ZNF248: variants seen among roughly 807,000 people sequenced by gnomAD.
The protein encoded by ZNF248 is zinc finger protein 248, also known as KRAB protein domain.
ZNF248 carries 20 observed loss-of-function variants against 44.3 expected under a neutral mutation model. That is an observed-to-expected ratio of 0.45 (90% CI 0.32 to 0.66). ZNF248 has a LOEUF of 0.66. Among genes scored for constraint, ZNF248 ranks in the 30% least tolerant of loss-of-function variants. The pLI is 0.04. For synonymous variants in ZNF248, 224 were observed against 229.0 expected (o/e 0.98, Z 0.20); for missense variants, 654 against 677.0 (o/e 0.97, Z 0.38).
At position 37,793,660 on chromosome 10, in the gene ZNF248, A is replaced by G. The variant is rs963674040; in HGVS notation, c.331-17085T>C. Among the ~76,000 whole-genome samples, 30 of 152,182 alleles carry G rather than the reference A, an allele frequency of 2.0e-4. 1 individual carries two copies. Among genetic ancestry groups the G allele is most frequent in the Admixed American group, 4.6e-4 (7 of 15,282 alleles). ...TTCTGGAATCACATATGCAAATCCA[A>G]TATGTGCATAATTCCTGTGATGCAA... On this transcript the variant is annotated intron_variant, in intron 6 of 6. Coordinates refer to the ZNF248 transcript ENST00000615949.
intron 6 of ZNF248, among the ~76,000 whole-genome samples, chr10:37,811,249 T>G (rs1032426505): frequency 1.3e-5 from 2 of 152,144 alleles, no homozygotes; most frequent in Non-Finnish European, 2.9e-5. Context: ...AAAAGAAAAT[T>G]TATGAAGCTG....
chr10:37,767,226 C>T, the ZNF248 span, among the ~76,000 whole-genome samples: 1 of 152,094 alleles, frequency 6.6e-6, no homozygotes, highest in Non-Finnish European at 1.5e-5. Context: ...GAGAACTTCC[C>T]CAATCTAACA....
intron 6 of ZNF248, among the ~76,000 whole-genome samples, chr10:37,788,100 C>T (rs933834974): frequency 1.3e-5 from 2 of 150,394 alleles, no homozygotes; most frequent in African/African-American, 4.9e-5. Flanking sequence ...AAAACCCCAT[C>T]TCTACTAATA....
At chr10:37,820,511 G>A (rs1259829092) in intron 6 of ZNF248, 76 of 1,601,292 alleles carry the variant, frequency 4.7e-5, no homozygotes, top group East Asian at 3.8e-4. Flanking sequence ...GGAATGTTGC[G>A]GTGAGGATCG....
At chr10:37,762,176 G>C in the ZNF248 span, among the ~76,000 whole-genome samples, 4,188 of 152,234 alleles carry the variant, frequency 0.028, 141 homozygotes, top group African/African-American at 0.082. Flanking sequence ...TGGAATAAGT[G>C]GGGGATAACT....
intron 6 of ZNF248, among the ~76,000 whole-genome samples, chr10:37,798,139 G>A (rs1215451212): frequency 6.6e-6 from 1 of 152,064 alleles, no homozygotes; most frequent in Non-Finnish European, 1.5e-5. Context: ...CTTTAACAAT[G>A]AATAAAGTAC....
chr10:37,811,945 A>C (rs1402749559), intron 6 of ZNF248, among the ~76,000 whole-genome samples: 2 of 151,818 alleles, frequency 1.3e-5, no homozygotes, highest in Non-Finnish European at 2.9e-5. Context: ...CATTAAGAAA[A>C]TCACTGAGGG....
downstream of ZNF248, among the ~76,000 whole-genome samples, chr10:37,827,058 G>A (rs1424738807): frequency 6.6e-6 from 1 of 152,180 alleles, no homozygotes; most frequent in South Asian, 2.1e-4. Flanking sequence ...AATGGCAGCT[G>A]GTGCAGACAT....
chr10:37,829,426 T>C lies in ZNF248; in HGVS notation c.*2189A>G. 1.0e-6 allele frequency: 1 copy of C among 985,390 alleles called. No individual in the cohort carries two copies. The highest frequency in any genetic ancestry group is 1.2e-6 in the Non-Finnish European group (1 of 829,912). 61.0% of individuals were successfully genotyped at this position (985,390 alleles called of 1,614,324 possible). A position where few individuals can be genotyped will look rare whatever the true frequency, so the allele number is the denominator to read the frequency against. On this transcript the variant is annotated 3_prime_UTR_variant, in exon 6 of 6. Coordinates refer to ENST00000395867, the MANE Select transcript of ZNF248 (RefSeq NM_021045.3). ...GAACCATGGCTGATACAAACAGCCA[T>C]CCCTATATTAACTTGTGAAAAGAAA...
At chr10:37,793,779 G>A (rs917170306) in intron 6 of ZNF248, among the ~76,000 whole-genome samples, 5 of 151,938 alleles carry the variant, frequency 3.3e-5, no homozygotes, top group African/African-American at 7.3e-5. Context: ...CTACTTTTCC[G>A]TGTATATATG....
At chr10:37,843,302 G>C (rs2058682059) in intron 3 of ZNF248, among the ~76,000 whole-genome samples, 1 of 151,868 alleles carries the variant, frequency 6.6e-6, no homozygotes, top group Non-Finnish European at 1.5e-5. Context: ...GCGCATGCCT[G>C]TAGTCCCAGT....
At chr10:37,766,164 A>G in the ZNF248 span, among the ~76,000 whole-genome samples, 1 of 152,248 alleles carries the variant, frequency 6.6e-6, no homozygotes, top group Non-Finnish European at 1.5e-5. Flanking sequence ...CTGCCTCTGT[A>G]GGCTCCACCT....
intron 6 of ZNF248, chr10:37,803,972 A>G (rs2050156277): frequency 6.5e-6 from 1 of 152,678 alleles, no homozygotes; most frequent in Admixed American, 6.5e-5. Context: ...GGTTTTAGAC[A>G]TGGTGGATAA....
chr10:37,821,077 T>G, intron 6 of ZNF248: 1 of 740,508 alleles, frequency 1.4e-6, no homozygotes, highest in Non-Finnish European at 2.3e-6. Context: ...CACTGAGAAG[T>G]AGGTCTACAG....
At chr10:37,791,042 CTTTTTTTT>C (rs869199263) in intron 6 of ZNF248, among the ~76,000 whole-genome samples, 754 of 50,748 alleles carry the variant, frequency 0.015, no homozygotes, top group Non-Finnish European at 0.022. Flanking sequence ...TTTGTTATTT[CTTTTTTTT>C]TTTTTTTTTT....
At chr10:37,816,064 T>A (rs1011412324) in intron 6 of ZNF248, among the ~76,000 whole-genome samples, 1 of 151,920 alleles carries the variant, frequency 6.6e-6, no homozygotes, top group African/African-American at 2.4e-5. Context: ...CTCAGGAATT[T>A]ACTTCATCTA....
At chr10:37,839,624 A>T (rs2057959871) in intron 3 of ZNF248, among the ~76,000 whole-genome samples, 3 of 152,210 alleles carry the variant, frequency 2.0e-5, no homozygotes, top group African/African-American at 4.8e-5. Flanking sequence ...ATATTAAAGA[A>T]GACATAATCT....
At chr10:37,778,402 ATTTG>A (rs1262154253) in intron 6 of ZNF248, among the ~76,000 whole-genome samples, 1 of 151,956 alleles carries the variant, frequency 6.6e-6, no homozygotes, top group African/African-American at 2.4e-5. Flanking sequence ...TTTCTTGTAA[ATTTG>A]TTTGAGTTCA....
At chr10:37,765,688 C>A in the ZNF248 span, among the ~76,000 whole-genome samples, 1 of 152,210 alleles carries the variant, frequency 6.6e-6, no homozygotes, top group Non-Finnish European at 1.5e-5. Context: ...CTACAGCTCC[C>A]AGCGTGAGCA....
Sources: gnomAD v4.1 joint callset for allele counts (sites outside exome capture counted in the v4.1 genomes callset) on GRCh38, gnomAD v4.1.1 for gene constraint, MANE v1.5 for transcripts, NCBI Gene and HGNC (gene_info 2026-07-23, HGNC 2026-07-21) for gene names.